PSG6: variants seen among roughly 807,000 people sequenced by gnomAD.
The protein encoded by PSG6 is pregnancy-specific beta-1-glycoprotein 6.
Under a neutral mutation model 43.3 loss-of-function variants are expected in PSG6, and 51 were observed. That is an observed-to-expected ratio of 1.18 (90% CI 0.94 to 1.49). The LOEUF (loss-of-function observed/expected upper bound fraction) is 1.49, where lower values mean the gene tolerates loss of function less well. Among genes scored for constraint, PSG6 ranks in the 40% most tolerant of loss-of-function variants. The pLI is 0.00. For synonymous variants in PSG6, 292 were observed against 197.6 expected (o/e 1.48, Z -4.01); for missense variants, 770 against 522.2 (o/e 1.47, Z -4.62).
rs1972364769 is a variant in PSG6 at position 42,917,709 on chromosome 19, C to T, written c.64+20G>A. The T allele has an allele frequency of 6.2e-7, 1 of 1,608,258 alleles. No homozygotes were observed. The highest frequency in any genetic ancestry group is 1.3e-5 in the African/African-American group (1 of 74,572). On this transcript the variant is annotated intron_variant, in intron 1 of 5. Transcript: ENST00000187910. ...CTCTGCTTCCTCCTCCTGTCCTCTC[C>T]CAGGAAGTCCTCTCCTCACCTGTGA...
intron 5 of PSG6, among the ~76,000 whole-genome samples, chr19:42,905,471 A>C (rs1219557027): frequency 1.3e-5 from 2 of 151,710 alleles, no homozygotes; most frequent in African/African-American, 4.8e-5. Context: ...TGCATTGCTG[A>C]TGGGAATGGG....
chr19:42,903,496 A>C lies in PSG6; in HGVS notation c.1241-1050T>G, dbSNP rs558456048. 7 of 1,022,524 alleles carry C rather than the reference A, an allele frequency of 6.8e-6. 1 individual carries two copies. The highest frequency in any genetic ancestry group is 9.4e-6 in the Non-Finnish European group (7 of 742,554). The allele number at this position is 1,022,524 out of a possible 1,614,324, so 63.3% of individuals were successfully genotyped here. ...GGAAACAGAATAGAGGAAATTACTG[A>C]AACCAAAAGTTGATTCTTCAAAATA... is the stretch of plus-strand genomic sequence containing the variant. On this transcript the variant is annotated intron_variant, in intron 5 of 5. Transcript: ENST00000187910.
chr19:42,915,652 G>A (rs1000959556), intron 2 of PSG6: 3 of 190,800 alleles, frequency 1.6e-5, no homozygotes, highest in African/African-American at 7.1e-5. Context: ...GTCCCAGTAA[G>A]CCCTGCCAAA....
intron 3 of PSG6, 56 bp from the exon 4 acceptor site, chr19:42,907,910 T>G (rs1380702538): frequency 6.3e-7 from 1 of 1,591,128 alleles, no homozygotes; most frequent in East Asian, 2.2e-5. Flanking sequence ...TCCACAGGCA[T>G]CCTTCATTCA....
chr19:42,916,919 C>G (rs186308062), intron 1 of PSG6, among the ~76,000 whole-genome samples: 32 of 151,508 alleles, frequency 2.1e-4, no homozygotes, highest in East Asian at 5.9e-4. Context: ...CCTGACCTCA[C>G]ATTCTATATC....
At chr19:42,917,708 C>T (rs369684990) in intron 1 of PSG6, 21 bp downstream of exon 1, 14 of 1,608,248 alleles carry the variant, frequency 8.7e-6, no homozygotes, top group Non-Finnish European at 1.1e-5. Flanking sequence ...CCTGTCCTCT[C>T]CCAGGAAGTC....
rs373412776 is a variant in PSG6 at position 42,910,571 on chromosome 19, G to A, written c.706+9C>T. 82 of 1,612,454 alleles carry A rather than the reference G, an allele frequency of 5.1e-5. 2 individuals carry two copies. The highest frequency in any genetic ancestry group is 1.6e-4 in the Middle Eastern group (1 of 6,084). ...CAGCCTGGCTCACAGAGGAACAGAA[G>A]ATACTCACGGAGGAGATTCAGGGTG... is the stretch of plus-strand genomic sequence containing the variant. On this transcript the variant is annotated intron_variant, in intron 3 of 5. Transcript: ENST00000187910.
Position 42,902,135 on chromosome 19 carries a change from A to ATT in PSG6, c.*276_*277insAA, listed in dbSNP as rs1972044232. The ATT allele has an allele frequency of 5.2e-6, 2 of 385,144 alleles. No homozygotes were observed. The highest frequency in any genetic ancestry group is 7.0e-5 in the South Asian group (2 of 28,514). 23.9% of individuals were successfully genotyped at this position (385,144 alleles called of 1,614,324 possible). A position where few individuals can be genotyped will look rare whatever the true frequency, so the allele number is the denominator to read the frequency against. On this transcript the variant is annotated 3_prime_UTR_variant, in exon 6 of 6. Transcript: ENST00000187910. The stretch of plus-strand genomic sequence containing the variant: ...ACCATAAACCTATGAATACTCATGA[A>ATT]TAGTTTCCCAATTCTGGGGCACTCA...
At chr19:42,912,475 A>T (rs1025121395) in intron 2 of PSG6, among the ~76,000 whole-genome samples, 3 of 151,752 alleles carry the variant, frequency 2.0e-5, no homozygotes, top group African/African-American at 4.8e-5. Flanking sequence ...AAGATGCCAA[A>T]GGTGATTTGA....
At position 42,907,123 on chromosome 19, in the gene PSG6, C is replaced by G. The variant is rs1065520; in HGVS notation, c.1039G>C (p.Glu347Gln). The G allele has an allele frequency of 6.2e-4, 994 of 1,612,800 alleles. 13 individuals are homozygous for G. Among genetic ancestry groups the G allele is most frequent in the Non-Finnish European group, 7.3e-4 (865 of 1,179,282 alleles). Residue 347 changes from glutamate to glutamine, a missense_variant, in exon 5 of 6, where the codon GAA becomes CAA. By Grantham distance (29) the Glu-to-Gln change is conservative (BLOSUM62 2). Transcript: ENST00000187910. The stretch of plus-strand genomic sequence containing the variant: ...GCAAAGCAGGACAAGTCGAGGTTTT[C>G]TCCTGAACGGTAATAGGTGAATGAA... ...YPSFTYYRSGENLDLSCFADS... is the reference protein window; with the variant it reads ...YPSFTYYRSGQNLDLSCFADS...
intron 1 of PSG6, 136 bp from the exon 2 acceptor site, chr19:42,916,623 C>A (rs990291154): frequency 4.1e-5 from 54 of 1,317,996 alleles, no homozygotes; most frequent in Non-Finnish European, 5.3e-5. Context: ...AACACACACA[C>A]ACAAAAGGGC....
At chr19:42,907,981 G>A in intron 3 of PSG6, 127 bp from the exon 4 acceptor site, 3 of 1,377,628 alleles carry the variant, frequency 2.2e-6, no homozygotes, top group South Asian at 2.7e-5. Context: ...GCTGGTGCAT[G>A]TGTCACAAGA....
At chr19:42,907,964 G>T (rs575965537) in intron 3 of PSG6, 110 bp from the exon 4 acceptor site, 3 of 1,459,372 alleles carry the variant, frequency 2.1e-6, no homozygotes, top group Non-Finnish European at 1.9e-6. Flanking sequence ...GTCCTTGAAA[G>T]CCAGTAGCTG....
At chr19:42,906,577 G>C in intron 5 of PSG6, 2 of 1,326,866 alleles carry the variant, frequency 1.5e-6, no homozygotes, top group Non-Finnish European at 2.0e-6. Flanking sequence ...AGAAAACAAA[G>C]ACATGGCAGA....
chr19:42,915,760 C>A (rs1972313002), intron 2 of PSG6: 3 of 393,448 alleles, frequency 7.6e-6, no homozygotes, highest in Non-Finnish European at 1.3e-5. Context: ...AGCTGAGGTT[C>A]TCTGAGGGTA....
chr19:42,915,263 A>T (rs1223856088), intron 2 of PSG6: 1 of 151,760 alleles, frequency 6.6e-6, no homozygotes, highest in Non-Finnish European at 1.5e-5. Context: ...TTTTCATGCT[A>T]TCTGTGAATA....
chr19:42,912,355 C>T (rs942315470), intron 2 of PSG6, among the ~76,000 whole-genome samples: 1 of 151,694 alleles, frequency 6.6e-6, no homozygotes. Context: ...GAAATTTTTA[C>T]TGATGGTCCA....
Position 42,903,479 on chromosome 19 carries a change from A to G in PSG6, c.1241-1033T>C, listed in dbSNP as rs569306244. On this transcript the variant is annotated intron_variant, in intron 5 of 5. Coordinates refer to ENST00000187910, the MANE Select transcript of PSG6 (RefSeq NM_001031850.4). ...TAAATAAAATGGAGAATGGAAACAG[A>G]ATAGAGGAAATTACTGAAACCAAAA... 4 of 786,610 alleles carry G rather than the reference A, an allele frequency of 5.1e-6. No homozygotes were observed. In the South Asian group the frequency reaches 7.6e-5, roughly 15 times the overall value. The allele number at this position is 786,610 out of a possible 1,614,324, so 48.7% of individuals were successfully genotyped here. A position where few individuals can be genotyped will look rare whatever the true frequency, so the allele number is the denominator to read the frequency against.
intron 2 of PSG6, among the ~76,000 whole-genome samples, chr19:42,913,559 G>C (rs1972267623): frequency 6.6e-6 from 1 of 151,724 alleles, no homozygotes; most frequent in East Asian, 1.9e-4. Flanking sequence ...GAAGCCAGAA[G>C]TCTCTAGAAA....
Sources: allele counts gnomAD v4.1 joint callset (sites outside exome capture counted in the v4.1 genomes callset), GRCh38; gene constraint gnomAD v4.1.1; transcripts MANE v1.5; gene names NCBI Gene and HGNC (gene_info 2026-07-23, HGNC 2026-07-21).